The following CAMK1D variants were observed in gnomAD, a reference collection of about 807,000 sequenced individuals.
CAMK1D encodes the protein calcium/calmodulin-dependent protein kinase type 1D.
A neutral mutation model predicts 47.7 loss-of-function variants in CAMK1D; 9 were observed. The ratio of observed to expected loss-of-function variants is 0.19; its 90% CI spans 0.11 to 0.33. CAMK1D has a LOEUF of 0.33. Among genes scored for constraint, CAMK1D ranks in the 10% least tolerant of loss-of-function variants. CAMK1D has a pLI of 1.00. For missense variants in CAMK1D, 291 were observed against 488.7 expected, an observed-to-expected ratio of 0.60 and a Z score of 3.81; for synonymous variants, 184 against 184.9, an observed-to-expected ratio of 0.99 and a Z score of 0.04.
chr10:12,417,886 C>T (rs1435293442), intron 1 of CAMK1D, among the ~76,000 whole-genome samples: 1 of 152,004 alleles, frequency 6.6e-6, no homozygotes, highest in African/African-American at 2.4e-5. Flanking sequence ...ACTGCAACCT[C>T]CGCCTCCTGG....
At chr10:12,758,582 AC>A (rs1317002015) in intron 3 of CAMK1D, among the ~76,000 whole-genome samples, 2 of 152,206 alleles carry the variant, frequency 1.3e-5, no homozygotes, top group East Asian at 3.8e-4. Context: ...TTCAGTTTTC[AC>A]TGCATTGCTG....
chr10:12,610,517 G>A (rs575233968), intron 2 of CAMK1D, among the ~76,000 whole-genome samples: 1 of 152,284 alleles, frequency 6.6e-6, no homozygotes, highest in African/African-American at 2.4e-5. Flanking sequence ...ACTTTGCCCA[G>A]CAGTAAGTGT....
At chr10:12,419,562 C>T (rs985295628) in intron 1 of CAMK1D, among the ~76,000 whole-genome samples, 1 of 151,938 alleles carries the variant, frequency 6.6e-6, no homozygotes, top group Non-Finnish European at 1.5e-5. Context: ...TAAAATTGCA[C>T]ACCTCACTCC....
intron 1 of CAMK1D, among the ~76,000 whole-genome samples, chr10:12,490,451 C>T (rs1286918719): frequency 2.0e-5 from 3 of 151,992 alleles, no homozygotes; most frequent in Non-Finnish European, 4.4e-5. Context: ...TGACAGAGGG[C>T]GGACAGAGGA....
chr10:12,495,819 T>C (rs540403294), intron 1 of CAMK1D, among the ~76,000 whole-genome samples: 88 of 152,302 alleles, frequency 5.8e-4, no homozygotes, highest in African/African-American at 2.0e-3. Flanking sequence ...AAATATTCCT[T>C]TATATGTATA....
At chr10:12,366,663 A>G (rs572652855) in intron 1 of CAMK1D, among the ~76,000 whole-genome samples, 3 of 152,166 alleles carry the variant, frequency 2.0e-5, no homozygotes, top group African/African-American at 7.2e-5. Context: ...TGTCTTAAAA[A>G]AAAAAAGAAG....
intron 3 of CAMK1D, among the ~76,000 whole-genome samples, chr10:12,681,213 T>C (rs549109923): frequency 6.6e-6 from 1 of 152,370 alleles, no homozygotes; most frequent in Admixed American, 6.5e-5. Context: ...ATCATCCTGA[T>C]CGCCACCACT....
At chr10:12,715,348 T>A (rs1007544785) in intron 3 of CAMK1D, among the ~76,000 whole-genome samples, 1 of 152,270 alleles carries the variant, frequency 6.6e-6, no homozygotes, top group Non-Finnish European at 1.5e-5. Flanking sequence ...CTCAAATGCA[T>A]GACTACTGCG....
chr10:12,649,932 G>T (rs1839913511), intron 2 of CAMK1D, among the ~76,000 whole-genome samples: 1 of 152,214 alleles, frequency 6.6e-6, no homozygotes, highest in Non-Finnish European at 1.5e-5. Flanking sequence ...GAGAGGGTCA[G>T]GACTCCAAGC....
At chr10:12,501,055 A>C (rs1834687643) in intron 1 of CAMK1D, among the ~76,000 whole-genome samples, 1 of 152,116 alleles carries the variant, frequency 6.6e-6, no homozygotes, top group Admixed American at 6.5e-5. Flanking sequence ...ATCCCTGTCC[A>C]CCGGACTCCA....
chr10:12,547,392 A>G (rs1201200284), intron 1 of CAMK1D, among the ~76,000 whole-genome samples: 1 of 152,212 alleles, frequency 6.6e-6, no homozygotes, highest in Middle Eastern at 3.2e-3. Context: ...CCCAGACGAC[A>G]GTTTCAGGTT....
At chr10:12,397,317 G>A (rs952442424) in intron 1 of CAMK1D, among the ~76,000 whole-genome samples, 7 of 152,134 alleles carry the variant, frequency 4.6e-5, no homozygotes, top group Admixed American at 1.3e-4. Flanking sequence ...CTTTGGTTCC[G>A]TCTGCTTTGT....
chr10:12,712,057 A>G (rs760837536), intron 3 of CAMK1D, among the ~76,000 whole-genome samples: 1 of 152,106 alleles, frequency 6.6e-6, no homozygotes, highest in Admixed American at 6.6e-5. Context: ...AGCTTTGTTG[A>G]TTGATGCTTT....
At chr10:12,565,435 G>A (rs951342455) in intron 2 of CAMK1D, among the ~76,000 whole-genome samples, 67 of 152,024 alleles carry the variant, frequency 4.4e-4, no homozygotes, top group African/African-American at 1.5e-3. Flanking sequence ...TGTATTTTTA[G>A]TAGAGACGGG....
intron 1 of CAMK1D, among the ~76,000 whole-genome samples, chr10:12,522,531 C>T (rs1019930069): frequency 1.3e-5 from 2 of 152,076 alleles, no homozygotes; most frequent in East Asian, 3.9e-4. Flanking sequence ...CATAGATCAA[C>T]AGGATCCCAA....
chr10:12,560,262 T>C (rs1267070276), intron 2 of CAMK1D, among the ~76,000 whole-genome samples: 1 of 152,024 alleles, frequency 6.6e-6, no homozygotes, highest in Admixed American at 6.6e-5. Flanking sequence ...TAGAAATTCA[T>C]CGATTGGGGT....
intron 1 of CAMK1D, among the ~76,000 whole-genome samples, chr10:12,484,699 G>T (rs1834160067): frequency 6.6e-6 from 1 of 152,158 alleles, no homozygotes; most frequent in Non-Finnish European, 1.5e-5. Flanking sequence ...GTGTCTTCCA[G>T]GGGGCAGCTC....
At chr10:12,589,219 G>A (rs1837925157) in intron 2 of CAMK1D, among the ~76,000 whole-genome samples, 1 of 152,136 alleles carries the variant, frequency 6.6e-6, no homozygotes, top group African/African-American at 2.4e-5. Context: ...TCACCATGTT[G>A]CCCAGGCTGG....
intron 1 of CAMK1D, among the ~76,000 whole-genome samples, chr10:12,460,433 TTTTA>T (rs1432018624): frequency 3.3e-5 from 5 of 151,946 alleles, no homozygotes; most frequent in African/African-American, 1.2e-4. Flanking sequence ...GCTTATTTTA[TTTTA>T]TTTATTTATT....
Sources: allele counts gnomAD v4.1 joint callset (sites outside exome capture counted in the v4.1 genomes callset), GRCh38; gene constraint gnomAD v4.1.1; transcripts MANE v1.5; gene names NCBI Gene and HGNC (gene_info 2026-07-23, HGNC 2026-07-21).